TP53BP1: variants seen among roughly 807,000 people sequenced by gnomAD.
TP53BP1 encodes the protein TP53-binding protein 1.
A neutral mutation model predicts 200.8 loss-of-function variants in TP53BP1; 61 were observed. The observed-to-expected ratio is 0.30, with a 90% confidence interval of 0.25 to 0.38. TP53BP1 has a LOEUF of 0.38. Among genes scored for constraint, TP53BP1 ranks in the 10% least tolerant of loss-of-function variants. The pLI, the probability that TP53BP1 is intolerant of heterozygous loss-of-function variation, is 1.00. For missense variants in TP53BP1, 2,144 were observed against 2,371.9 expected, an observed-to-expected ratio of 0.90 and a Z score of 2.00; for synonymous variants, 822 against 844.3, an observed-to-expected ratio of 0.97 and a Z score of 0.46.
intron 15 of TP53BP1, chr15:43,441,177 T>C (rs1449166677): frequency 5.1e-6 from 1 of 196,492 alleles, no homozygotes; most frequent in Non-Finnish European, 1.0e-5. Context: ...GAACAAGGTC[T>C]GTAGCTATCT....
intron 8 of TP53BP1, among the ~76,000 whole-genome samples, chr15:43,476,513 G>A (rs2078884607): frequency 6.6e-6 from 1 of 152,320 alleles, no homozygotes; most frequent in African/African-American, 2.4e-5. Context: ...AAGGATTTAT[G>A]AGCAGCCATT....
chr15:43,509,523 C>G (rs998918474), intron 1 of TP53BP1, among the ~76,000 whole-genome samples: 2 of 152,140 alleles, frequency 1.3e-5, no homozygotes, highest in African/African-American at 4.8e-5. Context: ...GTTCTCCTGC[C>G]TCAGCCTCCC....
Position 43,456,543 on chromosome 15 carries a change from T to C in TP53BP1, c.2065A>G (p.Met689Val), listed in dbSNP as rs2046301523. ...SQGEELKEENMESVPLHLSLT... is the reference protein window; with the variant it reads ...SQGEELKEENVESVPLHLSLT... ...GAAAGGTGCAACGGAACACTCTCCATATTTTCTTCTTTGAGTTCCTCTCCT... is the reference window on the plus strand; with the variant it reads ...GAAAGGTGCAACGGAACACTCTCCACATTTTCTTCTTTGAGTTCCTCTCCT... The change falls in exon 12 of 28, where the codon ATG (methionine) becomes GTG (valine). Residue 689 changes from methionine to valine, a missense_variant. Met to Val is a conservative substitution (Grantham distance 21, BLOSUM62 1). This residue lies in a region of TP53BP1 where 1,700 missense variants were observed against 1,710.3 expected (regional missense o/e 0.99). Transcript: ENST00000382044. 3.1e-6 allele frequency: 5 copies of C among 1,612,196 alleles called. No homozygotes were observed. Among genetic ancestry groups the C allele is most frequent in the Non-Finnish European group, 4.2e-6 (5 of 1,179,156 alleles).
At position 43,455,393 on chromosome 15, in the gene TP53BP1, T is replaced by C. The variant is rs2046268868; in HGVS notation, c.2716+499A>G. Among the ~76,000 whole-genome samples, 6 of 152,210 alleles carry C rather than the reference T, an allele frequency of 3.9e-5. No individual in the cohort carries two copies. In the South Asian group the frequency reaches 1.2e-3, roughly 32 times the overall value. On this transcript the variant is annotated intron_variant, in intron 12 of 27. Coordinates refer to ENST00000382044, the MANE Select transcript of TP53BP1 (RefSeq NM_001141980.3). The stretch of plus-strand genomic sequence containing the variant: ...TTACAAAGCTGATAAACCTCAAATA[T>C]CTTTAATTGCACAAATAATTATAGC...
rs1217960070 is a variant in TP53BP1 at position 43,404,363 on chromosome 15, G to C, written c.*3020C>G. On this transcript the variant is annotated 3_prime_UTR_variant, in exon 28 of 28. Coordinates refer to ENST00000382044, the MANE Select transcript of TP53BP1 (RefSeq NM_001141980.3). The stretch of plus-strand genomic sequence containing the variant: ...TCCCTCCGCCCCCATCCTCCATATG[G>C]AGAGTTGGTGAGCTGAAGTGGAATG... 6.2e-7 allele frequency: 1 copy of C among 1,609,192 alleles called. No homozygotes were observed. The highest frequency in any genetic ancestry group is 1.7e-5 in the Admixed American group (1 of 59,576).
rs532910571 is a variant in TP53BP1 at position 43,473,433 on chromosome 15, A to C, written c.1180+1240T>G. Among the ~76,000 whole-genome samples, 18 of 151,472 alleles carry C rather than the reference A, an allele frequency of 1.2e-4. No individual in the cohort carries two copies. In the South Asian group the frequency reaches 3.8e-3, roughly 32 times the overall value. The stretch of plus-strand genomic sequence containing the variant: ...TCCCCACCAGATTAGCTAGATACAG[A>C]GTGTCCACACAAAGGTTCTCCAAGG... On this transcript the variant is annotated intron_variant, in intron 10 of 27. Coordinates refer to ENST00000382044, the MANE Select transcript of TP53BP1 (RefSeq NM_001141980.3).
At chr15:43,491,969 T>A in intron 3 of TP53BP1, 33 bp downstream of exon 3, 2 of 1,546,216 alleles carry the variant, frequency 1.3e-6, no homozygotes, top group Non-Finnish European at 1.8e-6. Flanking sequence ...ACCCAAAAAA[T>A]GCAAAGGGGA....
chr15:43,414,145 G>A (rs577218499), intron 23 of TP53BP1: 53 of 470,348 alleles, frequency 1.1e-4, no homozygotes, highest in African/African-American at 1.0e-3. Flanking sequence ...CAAGAAAACA[G>A]TCTCAGAGGC....
In TP53BP1 at chr15:43,491,651, C is replaced by T; in HGVS notation, c.371+18G>A. 1 of 1,577,670 alleles carries T rather than the reference C, an allele frequency of 6.3e-7. No homozygotes were observed. The highest frequency in any genetic ancestry group is 8.7e-7 in the Non-Finnish European group (1 of 1,147,054). On this transcript the variant is annotated intron_variant, in intron 4 of 27. Transcript: ENST00000382044. ...ATCTGATAATACATTTAAATAAACC[C>T]CTTCAAACACTGTATACCTGCTTGT...
chr15:43,453,189 G>A (rs529538954), intron 12 of TP53BP1, among the ~76,000 whole-genome samples: 12 of 67,176 alleles, frequency 1.8e-4, no homozygotes, highest in East Asian at 1.4e-3. Flanking sequence ...GTGAGACTCC[G>A]TCTCAAAAAA....
intron 1 of TP53BP1, 74 bp from the exon 2 acceptor site, chr15:43,492,542 G>A (rs1284372196): frequency 1.6e-6 from 2 of 1,235,844 alleles, no homozygotes; most frequent in African/African-American, 3.0e-5. Context: ...CCTAAATAAT[G>A]GGGCGGAAGT....
rs750525286 is a variant in TP53BP1, at chr15:43,469,921, A to G, written c.1326T>C (p.Ser442=). Residue 442 remains serine (S), a synonymous_variant, in exon 11 of 28, where the codon TCT becomes TCC. Transcript: ENST00000382044. ...CAGGAGGGAAGACTGGTGTGCTCTGAGATATTGGTGTTGAGGCTTGTGGTG... is the reference window on the plus strand; with the variant it reads ...CAGGAGGGAAGACTGGTGTGCTCTGGGATATTGGTGTTGAGGCTTGTGGTG... ...TVSPQASTPI[S]QSTPVFPPGS... The G allele has an allele frequency of 1.9e-6, 3 of 1,614,028 alleles. No homozygotes were observed. The Admixed American group carries it at 5.0e-5, about 27-fold the overall frequency.
At chr15:43,422,271 C>T (rs1046118652) in intron 18 of TP53BP1, 145 bp from the exon 19 acceptor site, 2 of 1,011,754 alleles carry the variant, frequency 2.0e-6, no homozygotes, top group African/African-American at 3.3e-5. Context: ...TGGGAATGTT[C>T]TGTATCTGTT....
chr15:43,503,418 G>A (rs763966232), intron 1 of TP53BP1, among the ~76,000 whole-genome samples: 3 of 152,186 alleles, frequency 2.0e-5, no homozygotes, highest in Admixed American at 6.5e-5. Flanking sequence ...AACACTTCAG[G>A]AGCCTGAGGC....
intron 4 of TP53BP1, among the ~76,000 whole-genome samples, chr15:43,485,662 G>A (rs1263095463): frequency 2.0e-5 from 3 of 150,098 alleles, no homozygotes; most frequent in Non-Finnish European, 4.4e-5. Flanking sequence ...GGCCAACAAG[G>A]TGAAACCCTG....
In TP53BP1 at chr15:43,470,019, A is replaced by G; in HGVS notation, c.1228T>C (p.Phe410Leu). 1 of 1,613,616 alleles carries G rather than the reference A, an allele frequency of 6.2e-7. No homozygotes were observed. The highest frequency in any genetic ancestry group is 8.5e-7 in the Non-Finnish European group (1 of 1,180,042). The stretch of plus-strand genomic sequence containing the variant: ...TCACCACTTTGAAGTTTCTTCTGAA[A>G]AGGCTCTCCTCCTTCTTCAGATAAC... ...SVLSEEGGEP[F>L]QKKLQSGEPV... The change falls in exon 11 of 28, where the codon TTT (phenylalanine) becomes CTT (leucine). Residue 410 changes from phenylalanine (F) to leucine (L), a missense_variant. By Grantham distance (22) the Phe-to-Leu change is conservative. This residue lies in a region of TP53BP1 where 1,700 missense variants were observed against 1,710.3 expected (regional missense o/e 0.99). Coordinates refer to ENST00000382044, the MANE Select transcript of TP53BP1 (RefSeq NM_001141980.3).
At chr15:43,448,375 G>A (rs1449287107) in intron 12 of TP53BP1, among the ~76,000 whole-genome samples, 1 of 151,984 alleles carries the variant, frequency 6.6e-6, no homozygotes, top group African/African-American at 2.4e-5. Flanking sequence ...ACTAATATAT[G>A]AAAATTTCTT....
At chr15:43,470,440 C>A (rs1338735353) in intron 10 of TP53BP1, among the ~76,000 whole-genome samples, 1 of 152,162 alleles carries the variant, frequency 6.6e-6, no homozygotes, top group Admixed American at 6.5e-5. Context: ...TATATTCTAC[C>A]ACAGGCCTTG....
chr15:43,413,263 C>T lies in TP53BP1; in HGVS notation c.5161G>A (p.Glu1721Lys). 6.2e-7 allele frequency: 1 copy of T among 1,614,148 alleles called. No homozygotes were observed. Among genetic ancestry groups the T allele is most frequent in the Non-Finnish European group, 8.5e-7 (1 of 1,179,994 alleles). The change falls in exon 24 of 28, where the codon GAA becomes AAA. Residue 1721 changes from glutamate (E) to lysine (K), a missense_variant. Glu to Lys is a moderately conservative substitution (Grantham distance 56). Transcript: ENST00000382044. The stretch of plus-strand genomic sequence containing the variant: ...AGAGGCAAAGGCCCTCTCTGCTCTT[C>T]CAGGGCAGAGGGTTCACCGGTGTTG... Reference protein sequence around the residue: ...GDNTGEPSALEEQRGPLPLNK... With the variant: ...GDNTGEPSALKEQRGPLPLNK...
Sources: gnomAD v4.1 joint callset for allele counts (sites outside exome capture counted in the v4.1 genomes callset) on GRCh38, gnomAD v4.1.1 for gene constraint, gnomAD v4.1.1 regional missense constraint, MANE v1.5 for transcripts, NCBI Gene and HGNC (gene_info 2026-07-23, HGNC 2026-07-21) for gene names.